The following CDK19 variants were observed in gnomAD, a reference collection of about 807,000 sequenced individuals.
The protein encoded by CDK19 is cyclin dependent kinase 19.
CDK19 carries 20 observed loss-of-function variants against 68.3 expected under a neutral mutation model. The ratio of observed to expected loss-of-function variants is 0.29; its 90% CI spans 0.21 to 0.43. CDK19 has a LOEUF of 0.43. Among genes scored for constraint, CDK19 ranks in the 20% least tolerant of loss-of-function variants. The probability of loss-of-function intolerance (pLI) is 1.00; values close to 1 mark genes in which losing one functional copy is unlikely to be tolerated. For missense variants in CDK19, 339 were observed against 623.5 expected, an observed-to-expected ratio of 0.54 and a Z score of 4.86; for synonymous variants, 221 against 222.8, an observed-to-expected ratio of 0.99 and a Z score of 0.07.
chr6:110,729,347 TATG>T (rs1776575920), intron 2 of CDK19, among the ~76,000 whole-genome samples: 2 of 152,246 alleles, frequency 1.3e-5, no homozygotes, highest in East Asian at 3.8e-4. Context: ...GTACTCATAC[TATG>T]ATAAATATTA....
chr6:110,669,503 G>A (rs12200616), intron 3 of CDK19, among the ~76,000 whole-genome samples: 7,220 of 152,132 alleles, frequency 0.047, 180 homozygotes, highest in Middle Eastern at 0.078. Flanking sequence ...AAAAAAGGCT[G>A]GGTGTGATGG....
intron 2 of CDK19, among the ~76,000 whole-genome samples, chr6:110,684,655 G>A (rs1772302515): frequency 6.6e-6 from 1 of 151,974 alleles, no homozygotes; most frequent in African/African-American, 2.4e-5. Context: ...TCAATCTCTA[G>A]CCCTAATGTC....
At chr6:110,640,707 T>A (rs1417881226) in intron 4 of CDK19, among the ~76,000 whole-genome samples, 2 of 152,092 alleles carry the variant, frequency 1.3e-5, no homozygotes, top group African/African-American at 4.8e-5. Flanking sequence ...TCCCAGCACT[T>A]TGGGAAGTCG....
chr6:110,800,705 G>C (rs565691533), intron 1 of CDK19, among the ~76,000 whole-genome samples: 1 of 152,072 alleles, frequency 6.6e-6, no homozygotes, highest in Non-Finnish European at 1.5e-5. Context: ...AAAACCACAC[G>C]ATCATCTCAA....
intron 2 of CDK19, among the ~76,000 whole-genome samples, chr6:110,718,685 A>G (rs192144423): frequency 7.9e-5 from 12 of 152,198 alleles, no homozygotes; most frequent in East Asian, 5.8e-4. Flanking sequence ...AAGCTAAATT[A>G]TATTTTTTAA....
chr6:110,725,123 C>T (rs1776229517), intron 2 of CDK19, among the ~76,000 whole-genome samples: 1 of 152,132 alleles, frequency 6.6e-6, no homozygotes, highest in South Asian at 2.1e-4. Flanking sequence ...TACATTAAAT[C>T]TCTAATCTCC....
At chr6:110,748,588 C>G (rs1053652269) in intron 1 of CDK19, among the ~76,000 whole-genome samples, 9 of 152,190 alleles carry the variant, frequency 5.9e-5, no homozygotes, top group African/African-American at 2.2e-4. Context: ...TAAGGTTCAC[C>G]ATATGAAGAA....
At position 110,626,771 on chromosome 6, in the gene CDK19, CT is replaced by C; in HGVS notation, c.860+4del. On this transcript the variant is annotated splice_donor_region_variant and intron_variant, in intron 8 of 12. Transcript: ENST00000368911. ...AAAAGACTAAGACTGTGTGGAATTA[CT>C]TACGTTGTTCTTCTAAAGTCTTTTT... 1 of 1,530,652 alleles carries C rather than the reference CT, an allele frequency of 6.5e-7. No individual in the cohort carries two copies. Among genetic ancestry groups the C allele is most frequent in the Non-Finnish European group, 9.0e-7 (1 of 1,114,978 alleles). The allele number at this position is 1,530,652 out of a possible 1,614,324, so 94.8% of individuals were successfully genotyped here.
intron 2 of CDK19, among the ~76,000 whole-genome samples, chr6:110,708,226 G>A (rs936587015): frequency 1.3e-5 from 2 of 152,062 alleles, no homozygotes; most frequent in Non-Finnish European, 2.9e-5. Flanking sequence ...CATTGCCAAG[G>A]GTTCTATTCA....
intron 2 of CDK19, among the ~76,000 whole-genome samples, chr6:110,695,137 G>C (rs1247940613): frequency 6.6e-6 from 1 of 151,674 alleles, no homozygotes; most frequent in Middle Eastern, 3.2e-3. Context: ...AAAGGGGAAA[G>C]GGGAAAGGGG....
chr6:110,750,510 G>C (rs899536121), intron 1 of CDK19, among the ~76,000 whole-genome samples: 7 of 152,200 alleles, frequency 4.6e-5, no homozygotes, highest in African/African-American at 1.7e-4. Flanking sequence ...TGAGTCTGAG[G>C]TTTTGAGCTT....
At chr6:110,736,159 T>C (rs1178017477) in intron 2 of CDK19, among the ~76,000 whole-genome samples, 1 of 152,090 alleles carries the variant, frequency 6.6e-6, no homozygotes, top group Non-Finnish European at 1.5e-5. Context: ...CTGACCAATA[T>C]GGAGAAACCC....
intron 2 of CDK19, among the ~76,000 whole-genome samples, chr6:110,726,366 T>C (rs761055104): frequency 4.6e-5 from 7 of 152,174 alleles, no homozygotes; most frequent in Non-Finnish European, 7.3e-5. Flanking sequence ...CTGATGTGTG[T>C]TGAAACTCTG....
At chr6:110,733,130 A>C (rs533322090) in intron 2 of CDK19, among the ~76,000 whole-genome samples, 1 of 152,274 alleles carries the variant, frequency 6.6e-6, no homozygotes, top group East Asian at 1.9e-4. Context: ...ACCCAAGGCA[A>C]TCACTATTCT....
intron 2 of CDK19, among the ~76,000 whole-genome samples, chr6:110,732,001 A>G (rs1435692153): frequency 6.6e-6 from 1 of 152,178 alleles, no homozygotes; most frequent in African/African-American, 2.4e-5. Context: ...AATCTTCTAT[A>G]TCTTTCCCAA....
At chr6:110,660,839 G>A (rs1781577077) in intron 4 of CDK19, among the ~76,000 whole-genome samples, 1 of 152,194 alleles carries the variant, frequency 6.6e-6, no homozygotes, top group Non-Finnish European at 1.5e-5. Context: ...TTTGGAAAAG[G>A]CAACATTCAA....
chr6:110,711,539 AAT>A (rs761822844), intron 2 of CDK19, among the ~76,000 whole-genome samples: 2 of 152,190 alleles, frequency 1.3e-5, no homozygotes, highest in African/African-American at 4.8e-5. Flanking sequence ...AACCTCAAGA[AAT>A]ATTTTTGTGT....
At chr6:110,650,123 A>T (rs1780871608) in intron 4 of CDK19, among the ~76,000 whole-genome samples, 1 of 152,262 alleles carries the variant, frequency 6.6e-6, no homozygotes, top group South Asian at 2.1e-4. Context: ...GGTGAAAAGA[A>T]AGCAAGATTT....
chr6:110,628,890 T>TA (rs1173731924), intron 6 of CDK19, among the ~76,000 whole-genome samples: 2 of 152,200 alleles, frequency 1.3e-5, no homozygotes, highest in African/African-American at 4.8e-5. Context: ...TAAAAGGCTA[T>TA]AAAAAATGTA....
Sources: allele counts gnomAD v4.1 joint callset (sites outside exome capture counted in the v4.1 genomes callset), GRCh38; gene constraint gnomAD v4.1.1; transcripts MANE v1.5; gene names NCBI Gene and HGNC (gene_info 2026-07-23, HGNC 2026-07-21).